ROBO2: variants seen among roughly 807,000 people sequenced by gnomAD.
ROBO2 encodes roundabout guidance receptor 2.
Under a neutral mutation model 160.8 loss-of-function variants are expected in ROBO2, and 53 were observed. That is an observed-to-expected ratio of 0.33 (90% CI 0.26 to 0.41). The LOEUF is 0.41. Ranked by LOEUF, ROBO2 falls within the 10% of genes least tolerant of loss-of-function variation. The pLI is 1.00. For missense variants in ROBO2, 1,577 were observed against 1,722.4 expected (o/e 0.92, Z 1.49); for synonymous variants, 664 against 611.7 (o/e 1.09, Z -1.26).
At chr3:77,279,883 C>G (rs184642917) in intron 2 of ROBO2, among the ~76,000 whole-genome samples, 1 of 152,220 alleles carries the variant, frequency 6.6e-6, no homozygotes, top group African/African-American at 2.4e-5. Context: ...GTCTCACATA[C>G]ACACACAGAC....
At chr3:77,180,432 GTA>G (rs2080645210) in intron 2 of ROBO2, among the ~76,000 whole-genome samples, 1 of 97,518 alleles carries the variant, frequency 1.0e-5, no homozygotes, top group Non-Finnish European at 2.2e-5. Flanking sequence ...ATATATATAT[GTA>G]TTTTTTTTTT....
At chr3:76,637,188 AG>A (rs1404522640) in intron 2 of ROBO2, among the ~76,000 whole-genome samples, 1 of 152,180 alleles carries the variant, frequency 6.6e-6, no homozygotes, top group African/African-American at 2.4e-5. Context: ...GCAGTGGCAC[AG>A]GGAGAAGCCC....
chr3:77,386,007 T>C (rs1271035889), intron 2 of ROBO2, among the ~76,000 whole-genome samples: 2 of 152,158 alleles, frequency 1.3e-5, no homozygotes, highest in Non-Finnish European at 2.9e-5. Flanking sequence ...TTTGTAATGA[T>C]ATTTATGTTT....
chr3:77,562,831 A>G (rs891118341), intron 10 of ROBO2, 99 bp downstream of exon 11: 21 of 907,548 alleles, frequency 2.3e-5, no homozygotes, highest in Non-Finnish European at 3.4e-5. Flanking sequence ...TAATTCACTG[A>G]ATGTAAATTT....
intron 2 of ROBO2, among the ~76,000 whole-genome samples, chr3:75,944,017 A>G (rs1948170167): frequency 6.6e-6 from 1 of 152,106 alleles, no homozygotes; most frequent in Non-Finnish European, 1.5e-5. Flanking sequence ...AAGATATTCT[A>G]GAAGCTAATA....
At chr3:76,291,750 G>A (rs534181983) in intron 2 of ROBO2, among the ~76,000 whole-genome samples, 2 of 152,026 alleles carry the variant, frequency 1.3e-5, no homozygotes, top group Non-Finnish European at 2.9e-5. Context: ...AGAATTTCTT[G>A]ATTTATGCCT....
chr3:77,198,463 G>A (rs2082512097), intron 2 of ROBO2, among the ~76,000 whole-genome samples: 1 of 152,182 alleles, frequency 6.6e-6, no homozygotes, highest in South Asian at 2.1e-4. Context: ...CTGGAGAGCA[G>A]TGAACAAAGG....
In ROBO2 at chr3:77,434,327, A is replaced by C. The variant is rs181716916; in HGVS notation, c.389-43087A>C. Among the ~76,000 whole-genome samples the C allele has an allele frequency of 5.5e-4, 83 of 152,076 alleles. 1 individual carries two copies. Among genetic ancestry groups the C allele is most frequent in the African/African-American group, 2.0e-3 (81 of 41,522 alleles). ...CTAGGTGAGGACCCCCAAATTTCCC[A>C]TTTGCAACTGTATTCACAACTGTAA... On this transcript the variant is annotated intron_variant, in intron 2 of 25. Transcript: ENST00000461745.
chr3:77,268,225 CT>C (rs1040005041), intron 2 of ROBO2, among the ~76,000 whole-genome samples: 20 of 152,138 alleles, frequency 1.3e-4, no homozygotes, highest in African/African-American at 4.8e-4. Context: ...TCTGAGTCTT[CT>C]TTTTTCCCTA....
chr3:76,648,698 C>T (rs1342623612), intron 2 of ROBO2, among the ~76,000 whole-genome samples: 5 of 151,820 alleles, frequency 3.3e-5, no homozygotes, highest in East Asian at 3.9e-4. Context: ...CAATGATTGA[C>T]GAAGGGTATA....
chr3:76,654,219 C>T (rs2109933442), intron 2 of ROBO2, among the ~76,000 whole-genome samples: 1 of 152,140 alleles, frequency 6.6e-6, no homozygotes, highest in East Asian at 1.9e-4. Context: ...AGGGCCACAA[C>T]AATCATCACC....
chr3:76,941,978 A>T (rs908698660), intron 2 of ROBO2, among the ~76,000 whole-genome samples: 1 of 152,224 alleles, frequency 6.6e-6, no homozygotes, highest in Non-Finnish European at 1.5e-5. Context: ...TAAATGAATG[A>T]TACTTAAAAT....
intron 2 of ROBO2, among the ~76,000 whole-genome samples, chr3:76,102,692 G>A (rs1485240304): frequency 6.6e-6 from 1 of 152,148 alleles, no homozygotes; most frequent in Non-Finnish European, 1.5e-5. Context: ...GAAGGGATGA[G>A]AGAAAACCAG....
chr3:77,040,837 C>T lies in ROBO2; in HGVS notation c.52C>T (p.Arg18Trp), dbSNP rs752898870. The stretch of plus-strand genomic sequence containing the variant: ...ACTGCTCTGTGGATTTTTATATGTT[C>T]GGGTTGATGGTAAGTTAAAAATGCT... Residue 18 changes from arginine to tryptophan, a missense_variant, in exon 1 of 26, where the codon CGG (arginine) becomes TGG (tryptophan). Physicochemically the swap from Arg to Trp is moderately radical, Grantham distance 101 (BLOSUM62 -3). This residue lies in a region of ROBO2 where 940 missense variants were observed against 1,135.5 expected (regional missense o/e 0.83). Coordinates refer to ENST00000461745, the Ensembl canonical transcript of ROBO2. 10 of 1,613,876 alleles carry T rather than the reference C, an allele frequency of 6.2e-6. No homozygotes were observed. In the East Asian group the frequency reaches 2.2e-4, roughly 36 times the overall value.
At chr3:76,711,294 G>A (rs1353364674) in intron 2 of ROBO2, among the ~76,000 whole-genome samples, 1 of 152,142 alleles carries the variant, frequency 6.6e-6, no homozygotes, top group Non-Finnish European at 1.5e-5. Flanking sequence ...AGCGAAGGGG[G>A]AAGTGTCGCA....
At chr3:77,460,507 A>G (rs2082134032) in intron 2 of ROBO2, among the ~76,000 whole-genome samples, 1 of 152,104 alleles carries the variant, frequency 6.6e-6, no homozygotes, top group African/African-American at 2.4e-5. Context: ...TGTGGCTGGA[A>G]CACTCCGTTT....
At chr3:76,434,419 G>T in intron 2 of ROBO2, 1 of 1,566,980 alleles carries the variant, frequency 6.4e-7, no homozygotes, top group East Asian at 2.2e-5. Context: ...TCCAGGCCCT[G>T]GGCTGGGTGG....
At chr3:76,576,935 C>T (rs1324623991) in intron 2 of ROBO2, among the ~76,000 whole-genome samples, 10 of 151,704 alleles carry the variant, frequency 6.6e-5, no homozygotes, top group African/African-American at 2.2e-4. Context: ...CCTTGTAAAT[C>T]GTAAGTAGTT....
rs751685338 is a variant in ROBO2 at position 77,586,319 on chromosome 3, C to G, written c.2501-2432C>G. The stretch of plus-strand genomic sequence containing the variant: ...GCTTAATAGTATAGTTATTGCTTCT[C>G]TAATCATTTGGCTTTTCACGCTTAC... On this transcript the variant is annotated intron_variant, in intron 16 of 25. Transcript: ENST00000461745. Among the ~76,000 whole-genome samples the G allele has an allele frequency of 5.3e-5, 8 of 152,090 alleles. 1 individual carries two copies. In the South Asian group the frequency reaches 8.3e-4, roughly 16 times the overall value.
Sources: allele counts gnomAD v4.1 joint callset (sites outside exome capture counted in the v4.1 genomes callset), GRCh38; gene constraint gnomAD v4.1.1; regional missense constraint gnomAD v4.1.1; transcripts MANE v1.5; gene names NCBI Gene and HGNC (gene_info 2026-07-23, HGNC 2026-07-21).